Variants in MTREX observed in about 807,000 individuals in gnomAD.
The protein encoded by MTREX is Mtr4 exosome RNA helicase.
In MTREX, 76 loss-of-function variants were observed where a neutral mutation model predicts 135.4. The observed-to-expected ratio is 0.56, with a 90% CI of 0.47 to 0.68. MTREX has a LOEUF of 0.68. Among genes scored for constraint, MTREX ranks in the 30% least tolerant of loss-of-function variants. MTREX has a pLI of 0.00. For synonymous variants in MTREX, 404 were observed against 401.6 expected, an observed-to-expected ratio of 1.01 and a Z score of -0.07; for missense variants, 920 against 1,262.1, an observed-to-expected ratio of 0.73 and a Z score of 4.11.
At chr5:55,309,202 T>C (rs573300685) in intron 1 of MTREX, among the ~76,000 whole-genome samples, 1 of 152,288 alleles carries the variant, frequency 6.6e-6, no homozygotes, top group Non-Finnish European at 1.5e-5. Flanking sequence ...CTGTTTCATT[T>C]AGGGACTACA....
At chr5:55,328,878 G>A (rs904544302) in intron 5 of MTREX, 67 bp downstream of exon 5, 1 of 994,532 alleles carries the variant, frequency 1.0e-6, no homozygotes, top group Non-Finnish European at 1.5e-6. Context: ...CTTTTTTGCT[G>A]TTTGATTTCT....
intron 25 of MTREX, among the ~76,000 whole-genome samples, chr5:55,422,578 T>G (rs1010679888): frequency 6.6e-6 from 1 of 152,188 alleles, no homozygotes; most frequent in African/African-American, 2.4e-5. Flanking sequence ...AGACACAGAT[T>G]ATGTCATCTT....
intron 15 of MTREX, among the ~76,000 whole-genome samples, chr5:55,362,291 A>G (rs1047278560): frequency 2.6e-5 from 4 of 152,002 alleles, no homozygotes; most frequent in East Asian, 1.9e-4. Flanking sequence ...CAGTCCTGCT[A>G]TTGTTGAAGT....
At chr5:55,371,661 G>A (rs16884108) in intron 16 of MTREX, among the ~76,000 whole-genome samples, 21,353 of 152,106 alleles carry the variant, frequency 0.14, 1,898 homozygotes, top group East Asian at 0.26. Context: ...CATAGTGGCA[G>A]TCTCACAAAC....
chr5:55,417,953 G>A (rs2111626495), intron 25 of MTREX, among the ~76,000 whole-genome samples: 1 of 150,282 alleles, frequency 6.7e-6, no homozygotes, highest in East Asian at 1.9e-4. Flanking sequence ...GTAAAAAGCA[G>A]GCCAGGCACG....
At chr5:55,347,494 T>A (rs1749757220) in intron 11 of MTREX, among the ~76,000 whole-genome samples, 1 of 152,244 alleles carries the variant, frequency 6.6e-6, no homozygotes, top group Admixed American at 6.5e-5. Context: ...TTAGACCACC[T>A]TCTATATAGA....
chr5:55,409,975 G>A (rs996976973), intron 22 of MTREX, among the ~76,000 whole-genome samples: 4 of 152,134 alleles, frequency 2.6e-5, no homozygotes, highest in African/African-American at 7.2e-5. Context: ...AGCATTTGGG[G>A]AGACCGAGGT....
At chr5:55,368,596 A>G (rs1239632795) in intron 16 of MTREX, among the ~76,000 whole-genome samples, 2 of 152,126 alleles carry the variant, frequency 1.3e-5, no homozygotes, top group Non-Finnish European at 2.9e-5. Context: ...TTCCACTCTT[A>G]TTTTACTTTA....
chr5:55,336,600 GTATGTTA>G (rs2112050329), intron 5 of MTREX, among the ~76,000 whole-genome samples: 1 of 152,230 alleles, frequency 6.6e-6, no homozygotes, highest in South Asian at 2.1e-4. Context: ...GATCATTTGT[GTATGTTA>G]CTGATTTCAG....
At chr5:55,381,789 T>A (rs1222507554) in intron 18 of MTREX, among the ~76,000 whole-genome samples, 1 of 152,210 alleles carries the variant, frequency 6.6e-6, no homozygotes, top group Non-Finnish European at 1.5e-5. Context: ...GGTCTTAGAC[T>A]TCTTTCTTTG....
At chr5:55,399,189 A>G (rs2111588399) in intron 20 of MTREX, among the ~76,000 whole-genome samples, 1 of 152,350 alleles carries the variant, frequency 6.6e-6, no homozygotes, top group African/African-American at 2.4e-5. Flanking sequence ...ATATGCACTT[A>G]CCAGAGATAT....
At chr5:55,407,689 C>T (rs1750828112) in intron 22 of MTREX, among the ~76,000 whole-genome samples, 2 of 152,118 alleles carry the variant, frequency 1.3e-5, no homozygotes, top group South Asian at 4.1e-4. Flanking sequence ...ACTGCAGTTG[C>T]CCTCCTGATT....
At chr5:55,320,899 C>T (rs779424039) in intron 1 of MTREX, among the ~76,000 whole-genome samples, 35 of 152,094 alleles carry the variant, frequency 2.3e-4, no homozygotes, top group South Asian at 6.2e-4. Flanking sequence ...CTGTGTAAGG[C>T]TAGATTTTTC....
At chr5:55,401,617 A>G (rs75768333) in intron 21 of MTREX, among the ~76,000 whole-genome samples, 4,371 of 152,294 alleles carry the variant, frequency 0.029, 211 homozygotes, top group Admixed American at 0.13. Context: ...AGCAATTTGC[A>G]AGATAACTGC....
Position 55,322,323 on chromosome 5 carries a change from T to C in MTREX, c.135-4T>C. The C allele has an allele frequency of 1.3e-6, 2 of 1,593,434 alleles. No homozygotes were observed. Among genetic ancestry groups the C allele is most frequent in the South Asian group, 1.1e-5 (1 of 87,124 alleles). The stretch of plus-strand genomic sequence containing the variant: ...GAATTCATTCCAAACTATTTACTTT[T>C]CAGGAAACGTTTTGATGGTAAATTA... On this transcript the variant is annotated splice_region_variant and splice_polypyrimidine_tract_variant and intron_variant, in intron 1 of 26. Coordinates refer to ENST00000230640, the MANE Select transcript of MTREX (RefSeq NM_015360.5).
At chr5:55,352,246 A>G (rs1749841795) in intron 13 of MTREX, among the ~76,000 whole-genome samples, 1 of 152,182 alleles carries the variant, frequency 6.6e-6, no homozygotes, top group African/African-American at 2.4e-5. Flanking sequence ...TGAGAACCTC[A>G]GCACTAAGTA....
rs230802 is a variant in MTREX at position 55,397,546 on chromosome 5, G to A, written c.2292+20G>A. 0.9 allele frequency: 1,288,993 copies of A among 1,439,328 alleles called. 578,927 individuals carry two copies. The highest frequency in any genetic ancestry group is 0.93 in the Admixed American group (52,068 of 55,886). The allele number at this position is 1,439,328 out of a possible 1,614,324, so 89.2% of individuals were successfully genotyped here. On this transcript the variant is annotated intron_variant, in intron 20 of 26. Coordinates refer to ENST00000230640, the MANE Select transcript of MTREX (RefSeq NM_015360.5). The stretch of plus-strand genomic sequence containing the variant: ...ATACAGGTATGTGTTAATTTCATAA[G>A]TTAAGTATAAATTTTATGTAAATAC...
At chr5:55,385,443 G>A (rs755990362) in intron 18 of MTREX, among the ~76,000 whole-genome samples, 6 of 152,124 alleles carry the variant, frequency 3.9e-5, no homozygotes, top group Non-Finnish European at 8.8e-5. Flanking sequence ...GGAGGAGAAT[G>A]AGAAATGTTG....
chr5:55,392,128 A>G (rs1006330146), intron 19 of MTREX, among the ~76,000 whole-genome samples: 4 of 152,108 alleles, frequency 2.6e-5, no homozygotes, highest in African/African-American at 9.7e-5. Flanking sequence ...TTGTGTTGTC[A>G]TTTCTGAATT....
Sources: allele counts gnomAD v4.1 joint callset (sites outside exome capture counted in the v4.1 genomes callset), GRCh38; gene constraint gnomAD v4.1.1; transcripts MANE v1.5; gene names NCBI Gene and HGNC (gene_info 2026-07-23, HGNC 2026-07-21).